The following ALK variants were observed in gnomAD, a reference collection of about 807,000 sequenced individuals.
ALK encodes ALK receptor tyrosine kinase, also known as ALK tyrosine kinase receptor.
ALK carries 74 observed loss-of-function variants against 163.1 expected under a neutral mutation model. That is an observed-to-expected ratio of 0.45 (90% CI 0.38 to 0.55). The LOEUF (loss-of-function observed/expected upper bound fraction) is 0.55. ALK is among the 20% of genes least tolerant of loss of function. ALK has a pLI of 0.00. For missense variants in ALK, 2,063 were observed against 2,105.3 expected (o/e 0.98, Z 0.39); for synonymous variants, 960 against 843.2 (o/e 1.14, Z -2.40).
chr2:29,733,322 G>A (rs1358734950), intron 1 of ALK, among the ~76,000 whole-genome samples: 1 of 152,158 alleles, frequency 6.6e-6, no homozygotes, highest in Non-Finnish European at 1.5e-5. Context: ...TGTGGCAAGA[G>A]ATATGGAATT....
At chr2:29,466,547 G>A (rs1671219024) in intron 4 of ALK, among the ~76,000 whole-genome samples, 1 of 152,142 alleles carries the variant, frequency 6.6e-6, no homozygotes, top group Non-Finnish European at 1.5e-5. Context: ...TCTCATTCAT[G>A]GAAGTCATTA....
chr2:29,642,629 C>A (rs766684832), intron 3 of ALK, among the ~76,000 whole-genome samples: 1 of 152,154 alleles, frequency 6.6e-6, no homozygotes, highest in Non-Finnish European at 1.5e-5. Context: ...TCCTTTTTCA[C>A]TGGGTCCTTC....
intron 1 of ALK, among the ~76,000 whole-genome samples, chr2:29,873,366 G>A (rs1166165473): frequency 6.6e-6 from 1 of 152,206 alleles, no homozygotes; most frequent in Non-Finnish European, 1.5e-5. Flanking sequence ...CTGGGACCCA[G>A]AGAGCTTCTG....
intron 4 of ALK, among the ~76,000 whole-genome samples, chr2:29,475,439 C>T (rs1446842266): frequency 1.3e-5 from 2 of 152,196 alleles, no homozygotes; most frequent in African/African-American, 2.4e-5. Context: ...CCGCCTCTCC[C>T]GCCATCTTTT....
chr2:29,704,135 C>G (rs745402083), intron 2 of ALK, among the ~76,000 whole-genome samples: 16 of 151,598 alleles, frequency 1.1e-4, no homozygotes, highest in Non-Finnish European at 1.9e-4. Context: ...CATGCATACA[C>G]GGCAATTCTC....
rs973426810 is a variant in ALK, at chr2:29,244,677, C to T, written c.2205-4847G>A. On this transcript the variant is annotated intron_variant, in intron 12 of 28. Transcript: ENST00000389048. ...CAACTTTCTAAGTCACATGGAGCAT[C>T]GGTGGTGGAGGTTGAACTCAAACTT... Among the ~76,000 whole-genome samples, 336 of 152,350 alleles carry T rather than the reference C, an allele frequency of 2.2e-3. 15 individuals carry two copies. The highest frequency in any genetic ancestry group is 0.022 in the Admixed American group (334 of 15,308).
intron 4 of ALK, among the ~76,000 whole-genome samples, chr2:29,441,318 G>T (rs1332427593): frequency 6.6e-6 from 1 of 152,338 alleles, no homozygotes; most frequent in South Asian, 2.1e-4. Context: ...GCCTCTGGGG[G>T]AATCACAGAG....
intron 4 of ALK, among the ~76,000 whole-genome samples, chr2:29,413,896 C>T (rs1454239428): frequency 6.6e-6 from 1 of 152,206 alleles, no homozygotes; most frequent in Non-Finnish European, 1.5e-5. Flanking sequence ...AACTCCTGAC[C>T]TCAGGTGACC....
intron 15 of ALK, among the ~76,000 whole-genome samples, chr2:29,229,780 C>T (rs1171609646): frequency 6.6e-6 from 1 of 152,186 alleles, no homozygotes; most frequent in Non-Finnish European, 1.5e-5. Flanking sequence ...TGCAGACAGC[C>T]TCACACCTGG....
intron 1 of ALK, among the ~76,000 whole-genome samples, chr2:29,809,601 C>T (rs988355343): frequency 2.6e-5 from 4 of 152,186 alleles, no homozygotes; most frequent in Non-Finnish European, 5.9e-5. Flanking sequence ...CCTAACAGCC[C>T]TTTATCCTGG....
At chr2:29,823,765 G>A (rs1231768936) in intron 1 of ALK, among the ~76,000 whole-genome samples, 2 of 152,172 alleles carry the variant, frequency 1.3e-5, no homozygotes, top group African/African-American at 2.4e-5. Context: ...TCATAAGGAA[G>A]CAGAGCATAA....
At chr2:29,329,692 C>T (rs1667383569) in intron 5 of ALK, among the ~76,000 whole-genome samples, 1 of 152,224 alleles carries the variant, frequency 6.6e-6, no homozygotes, top group South Asian at 2.1e-4. Context: ...TGATGAGGTA[C>T]TCTCCAGGTT....
intron 1 of ALK, among the ~76,000 whole-genome samples, chr2:29,884,553 G>C (rs1666943823): frequency 6.6e-6 from 1 of 152,110 alleles, no homozygotes. Flanking sequence ...ATGTCAGATT[G>C]AAAATAAAGC....
At chr2:29,714,077 C>G (rs1038695790) in intron 2 of ALK, among the ~76,000 whole-genome samples, 1 of 152,084 alleles carries the variant, frequency 6.6e-6, no homozygotes. Flanking sequence ...CCTGATGGAA[C>G]AGATTTTTAT....
chr2:29,772,729 T>G (rs953539286), intron 1 of ALK, among the ~76,000 whole-genome samples: 2 of 152,226 alleles, frequency 1.3e-5, no homozygotes, highest in African/African-American at 4.8e-5. Context: ...ACGACAAGCC[T>G]TATACACTAT....
intron 5 of ALK, among the ~76,000 whole-genome samples, chr2:29,378,548 A>G (rs1668813777): frequency 6.6e-6 from 1 of 152,186 alleles, no homozygotes; most frequent in South Asian, 2.1e-4. Flanking sequence ...AATAATGATA[A>G]GAATAATATT....
intron 9 of ALK, among the ~76,000 whole-genome samples, chr2:29,288,999 T>G (rs79097564): frequency 0.11 from 13,852 of 123,934 alleles, 934 homozygotes; most frequent in South Asian, 0.15. Context: ...AATAAATAAA[T>G]AAAAGAAAAT....
intron 5 of ALK, among the ~76,000 whole-genome samples, chr2:29,342,034 T>G (rs1667808137): frequency 6.6e-6 from 1 of 152,218 alleles, no homozygotes; most frequent in Non-Finnish European, 1.5e-5. Context: ...CAGCCTACTA[T>G]GTATTGGGCA....
At chr2:29,723,654 T>C (rs1323694451) in intron 1 of ALK, among the ~76,000 whole-genome samples, 2 of 152,194 alleles carry the variant, frequency 1.3e-5, no homozygotes, top group African/African-American at 4.8e-5. Context: ...ACCTCAATTT[T>C]CTGAAAACGA....
Sources: gnomAD v4.1 joint callset for allele counts (sites outside exome capture counted in the v4.1 genomes callset) on GRCh38, gnomAD v4.1.1 for gene constraint, MANE v1.5 for transcripts, NCBI Gene and HGNC (gene_info 2026-07-23, HGNC 2026-07-21) for gene names.